CSMD1: variants seen among roughly 807,000 people sequenced by gnomAD.
CSMD1 encodes CUB and sushi domain-containing protein 1.
In CSMD1, 213 loss-of-function variants were observed where a neutral mutation model predicts 417.5. The observed-to-expected ratio is 0.51, with a 90% confidence interval of 0.46 to 0.57. The LOEUF (loss-of-function observed/expected upper bound fraction) is 0.57, where lower values mean the gene tolerates loss of function less well. Ranked by LOEUF, CSMD1 falls within the 20% of genes least tolerant of loss-of-function variation. The pLI, the probability that CSMD1 is intolerant of heterozygous loss-of-function variation, is 0.00. For synonymous variants in CSMD1, 2,862 were observed against 1,736.8 expected, an observed-to-expected ratio of 1.65 and a Z score of -16.11; for missense variants, 6,923 against 4,529.7, an observed-to-expected ratio of 1.53 and a Z score of -15.17.
intron 5 of CSMD1, among the ~76,000 whole-genome samples, chr8:3,773,266 T>C (rs896343199): frequency 3.9e-5 from 6 of 152,160 alleles, no homozygotes; most frequent in African/African-American, 1.4e-4. Context: ...TCTCCATGCA[T>C]AATTTGGGGA....
At chr8:4,053,905 T>G (rs960712202) in intron 3 of CSMD1, among the ~76,000 whole-genome samples, 2 of 152,164 alleles carry the variant, frequency 1.3e-5, no homozygotes, top group Admixed American at 6.6e-5. Flanking sequence ...AAATAATAAT[T>G]AAGGGAAAAT....
chr8:3,386,317 T>C (rs1298262922), intron 18 of CSMD1, among the ~76,000 whole-genome samples: 1 of 152,186 alleles, frequency 6.6e-6, no homozygotes, highest in African/African-American at 2.4e-5. Context: ...CCTGCTCGTG[T>C]GGCCCCACAG....
chr8:4,407,935 C>T (rs1585028778), intron 3 of CSMD1, among the ~76,000 whole-genome samples: 1 of 152,108 alleles, frequency 6.6e-6, no homozygotes, highest in Non-Finnish European at 1.5e-5. Context: ...CATCTTATTC[C>T]TGCACAAAAT....
chr8:4,107,438 A>T (rs1436007976), intron 3 of CSMD1, among the ~76,000 whole-genome samples: 1 of 152,226 alleles, frequency 6.6e-6, no homozygotes, highest in Non-Finnish European at 1.5e-5. Context: ...TCACATTGGT[A>T]CGGATTTGTT....
intron 1 of CSMD1, among the ~76,000 whole-genome samples, chr8:4,644,707 C>T (rs1031213842): frequency 2.6e-5 from 4 of 152,200 alleles, no homozygotes; most frequent in Non-Finnish European, 4.4e-5. Context: ...CCATGCCTGG[C>T]GCCTACACTA....
chr8:4,871,254 C>T (rs545142480), intron 1 of CSMD1, among the ~76,000 whole-genome samples: 5 of 152,014 alleles, frequency 3.3e-5, no homozygotes, highest in Admixed American at 6.5e-5. Flanking sequence ...GCTATTGTGA[C>T]AGCCCATTTT....
At position 3,182,733 on chromosome 8, in the gene CSMD1, CTCTT is replaced by C. The variant is rs576821625; in HGVS notation, c.5621-1523_5621-1520del. Among the ~76,000 whole-genome samples, 144 of 120,836 alleles carry C rather than the reference CTCTT, an allele frequency of 1.2e-3. 2 individuals are homozygous for C. The highest frequency in any genetic ancestry group is 2.8e-3 in the East Asian group (12 of 4,344). 79.3% of individuals were successfully genotyped at this position (120,836 alleles called of 152,430 possible). On this transcript the variant is annotated intron_variant, in intron 36 of 69. Transcript: ENST00000635120. ...GTTAGTAGAGAAGGACTCTGGCTGT[CTCTT>C]TATAAGAAGCTCTGTGTGTGTGTGT...
At chr8:3,878,211 A>G (rs1159242983) in intron 5 of CSMD1, among the ~76,000 whole-genome samples, 1 of 152,126 alleles carries the variant, frequency 6.6e-6, no homozygotes, top group African/African-American at 2.4e-5. Flanking sequence ...GGATAAAACT[A>G]ATATCAAGTA....
chr8:4,435,985 T>A (rs927334514), intron 2 of CSMD1, among the ~76,000 whole-genome samples: 1 of 152,184 alleles, frequency 6.6e-6, no homozygotes, highest in Non-Finnish European at 1.5e-5. Context: ...TACTTTTCTG[T>A]CACAAACATA....
chr8:4,069,195 C>G lies in CSMD1; in HGVS notation c.416-37096G>C, dbSNP rs1563081479. On this transcript the variant is annotated intron_variant, in intron 3 of 69. Coordinates refer to ENST00000635120, the MANE Select transcript of CSMD1 (RefSeq NM_033225.6). ...ATGGGTAGGCATAAAACCACATACT[C>G]TGATTGAGGCGTGAATGTAAAATTG... 2.6e-5 allele frequency among the ~76,000 whole-genome samples: 4 copies of G among 152,112 alleles called. 1 individual carries two copies. The highest frequency in any genetic ancestry group is 4.1e-4 in the South Asian group (2 of 4,826).
At chr8:3,942,517 C>G (rs1047254358) in intron 5 of CSMD1, among the ~76,000 whole-genome samples, 3 of 152,160 alleles carry the variant, frequency 2.0e-5, no homozygotes, top group African/African-American at 7.2e-5. Context: ...CTATAACCCT[C>G]AACCCAGGAG....
intron 5 of CSMD1, among the ~76,000 whole-genome samples, chr8:3,873,007 C>T (rs1805584198): frequency 6.6e-6 from 1 of 151,932 alleles, no homozygotes; most frequent in Non-Finnish European, 1.5e-5. Context: ...AGTGAGATAC[C>T]ATCTCACACT....
At chr8:4,444,379 A>G (rs1457790292) in intron 2 of CSMD1, among the ~76,000 whole-genome samples, 2 of 143,550 alleles carry the variant, frequency 1.4e-5, no homozygotes, top group African/African-American at 5.0e-5. Context: ...AAAAAAAAGC[A>G]GAGGTTCTTG....
At chr8:3,934,051 C>T (rs148435976) in intron 5 of CSMD1, among the ~76,000 whole-genome samples, 134 of 152,256 alleles carry the variant, frequency 8.8e-4, no homozygotes, top group African/African-American at 2.9e-3. Flanking sequence ...CTGCTCTACA[C>T]TGAGTATCAG....
In CSMD1 at chr8:3,740,735, T is replaced by C. The variant is rs1397724369; in HGVS notation, c.931+13195A>G. ...CAAACGAAGAGTCTAAAAGACTTGG[T>C]ACCTAGTTCCACAAAGGAAAGCAAA... On this transcript the variant is annotated intron_variant, in intron 6 of 69. Transcript: ENST00000635120. 2.0e-5 allele frequency among the ~76,000 whole-genome samples: 3 copies of C among 152,324 alleles called. No homozygotes were observed. The East Asian group carries it at 5.8e-4, about 29-fold the overall frequency.
chr8:4,161,348 T>A (rs1470539268), intron 3 of CSMD1, among the ~76,000 whole-genome samples: 20 of 152,344 alleles, frequency 1.3e-4, no homozygotes, highest in Non-Finnish European at 1.9e-4. Flanking sequence ...CCCGGTCTCT[T>A]TGACTGTAAA....
chr8:4,190,514 C>T (rs1367199278), intron 3 of CSMD1, among the ~76,000 whole-genome samples: 1 of 147,652 alleles, frequency 6.8e-6, no homozygotes, highest in Non-Finnish European at 1.5e-5. Context: ...ATCAGGAATA[C>T]AAATTAAAAT....
chr8:3,985,143 G>T (rs777487054), intron 5 of CSMD1, among the ~76,000 whole-genome samples: 2 of 152,044 alleles, frequency 1.3e-5, no homozygotes, highest in African/African-American at 4.8e-5. Context: ...CTTCAGGAGA[G>T]GGTGTGATGG....
chr8:4,675,620 T>C (rs887950579), intron 1 of CSMD1, among the ~76,000 whole-genome samples: 2 of 151,556 alleles, frequency 1.3e-5, no homozygotes, highest in African/African-American at 2.4e-5. Flanking sequence ...GAGGACAGAA[T>C]AAACATAAAA....
Sources: allele counts gnomAD v4.1 joint callset (sites outside exome capture counted in the v4.1 genomes callset), GRCh38; gene constraint gnomAD v4.1.1; transcripts MANE v1.5; gene names NCBI Gene and HGNC (gene_info 2026-07-23, HGNC 2026-07-21).